The following USP31 variants were observed in gnomAD, a reference collection of about 807,000 sequenced individuals.
USP31 encodes the protein ubiquitin specific peptidase 31.
A neutral mutation model predicts 119.4 loss-of-function variants in USP31; 44 were observed. The ratio of observed to expected loss-of-function variants is 0.37; its 90% CI spans 0.29 to 0.47. The LOEUF is 0.47. Ranked by LOEUF, USP31 falls within the 20% of genes least tolerant of loss-of-function variation. The pLI, the probability that USP31 is intolerant of heterozygous loss-of-function variation, is 0.99. For synonymous variants in USP31, 749 were observed against 705.6 expected, an observed-to-expected ratio of 1.06 and a Z score of -0.97; for missense variants, 1,643 against 1,730.2, an observed-to-expected ratio of 0.95 and a Z score of 0.89.
At chr16:23,076,933 A>G (rs1900602307) in intron 13 of USP31, among the ~76,000 whole-genome samples, 1 of 152,196 alleles carries the variant, frequency 6.6e-6, no homozygotes, top group Non-Finnish European at 1.5e-5. Context: ...CTCAGTACCA[A>G]AGAACACAGA....
intron 6 of USP31, among the ~76,000 whole-genome samples, 200 bp from the exon 7 acceptor site, chr16:23,091,004 T>TTTAA (rs1289940340): frequency 6.6e-6 from 1 of 152,224 alleles, no homozygotes; most frequent in African/African-American, 2.4e-5. Context: ...TATTATTTCC[T>TTTAA]TTAAACTAGC....
intron 1 of USP31, among the ~76,000 whole-genome samples, chr16:23,132,745 G>A (rs1365036677): frequency 6.6e-6 from 1 of 152,124 alleles, no homozygotes; most frequent in African/African-American, 2.4e-5. Context: ...GTTTTCTTGG[G>A]ATTCTTAGGT....
chr16:23,115,942 C>A (rs1307608805), intron 1 of USP31: 1 of 248,694 alleles, frequency 4.0e-6, no homozygotes, highest in Non-Finnish European at 6.4e-6. Flanking sequence ...GCATCCCAGG[C>A]TCCAGGGAAA....
intron 6 of USP31, 27 bp from the exon 7 acceptor site, chr16:23,090,831 T>G (rs1423780279): frequency 1.4e-6 from 2 of 1,471,974 alleles, no homozygotes; most frequent in African/African-American, 1.4e-5. Flanking sequence ...ACAACTCATT[T>G]TATCTCTTCA....
chr16:23,144,926 T>G (rs905073720), intron 1 of USP31, among the ~76,000 whole-genome samples: 1 of 152,202 alleles, frequency 6.6e-6, no homozygotes, highest in African/African-American at 2.4e-5. Context: ...ATCACTTCCT[T>G]GCTTAAAAAT....
intron 1 of USP31, 73 bp from the exon 2 acceptor site, chr16:23,108,256 C>A: frequency 1.3e-6 from 2 of 1,512,850 alleles, no homozygotes; most frequent in South Asian, 2.7e-5. Flanking sequence ...TATTCATAAT[C>A]GCAAAAGGGA....
At chr16:23,105,365 A>G in intron 5 of USP31, 76 bp downstream of exon 5, 1 of 1,430,314 alleles carries the variant, frequency 7.0e-7, no homozygotes, top group Non-Finnish European at 9.3e-7. Context: ...TTGGCAAAGA[A>G]CTGTAAAAAA....
chr16:23,130,909 C>T (rs1177871645), intron 1 of USP31, among the ~76,000 whole-genome samples: 1 of 152,162 alleles, frequency 6.6e-6, no homozygotes, highest in African/African-American at 2.4e-5. Context: ...TTTTTGGATC[C>T]AAATGCAAGA....
chr16:23,068,006 T>C lies in USP31; in HGVS notation c.*40A>G, dbSNP rs3751846. ...TGGGAGGGCAGGGGTTCTAAATAAA[T>C]AAACATCTTTACAGATAAAACACTT... On this transcript the variant is annotated 3_prime_UTR_variant, in exon 16 of 16. Transcript: ENST00000219689. The C allele has an allele frequency of 5.4e-5, 84 of 1,554,848 alleles. No homozygotes were observed. The highest frequency in any genetic ancestry group is 1.9e-4 in the Middle Eastern group (1 of 5,324).
chr16:23,125,087 C>T (rs556236351), intron 1 of USP31, among the ~76,000 whole-genome samples: 10 of 152,260 alleles, frequency 6.6e-5, no homozygotes, highest in African/African-American at 2.2e-4. Flanking sequence ...ATGTCCCAGA[C>T]CTGCTGTCAC....
chr16:23,108,620 A>G (rs933266797), intron 1 of USP31, among the ~76,000 whole-genome samples: 2 of 152,360 alleles, frequency 1.3e-5, no homozygotes, highest in East Asian at 1.9e-4. Context: ...AAGGTTATAA[A>G]TAAGTAGTGT....
intron 1 of USP31, among the ~76,000 whole-genome samples, chr16:23,147,256 G>C (rs1449408796): frequency 6.6e-6 from 1 of 152,044 alleles, no homozygotes; most frequent in Non-Finnish European, 1.5e-5. Flanking sequence ...TAACAGGCAT[G>C]AACCACCACG....
intron 11 of USP31, among the ~76,000 whole-genome samples, chr16:23,082,832 T>TC (rs1491238496): frequency 2.3e-5 from 2 of 86,174 alleles, no homozygotes; most frequent in Non-Finnish European, 5.5e-5. Flanking sequence ...TTTCTCTCTC[T>TC]TTTTTTTTTT....
At chr16:23,130,426 A>G (rs1405617440) in intron 1 of USP31, among the ~76,000 whole-genome samples, 18 of 151,392 alleles carry the variant, frequency 1.2e-4, no homozygotes, top group Non-Finnish European at 5.9e-5. Context: ...CCCCCAACTA[A>G]TATTTTTTAA....
Position 23,068,806 on chromosome 16 carries a change from G to C in USP31, c.3299C>G (p.Ser1100Cys). ...PAPAQPKKES[S>C]PKSQDSVSSP... ...TGACACGGAGTCCTGAGATTTCGGG[G>C]ATGACTCCTTTTTGGGTTGGGCAGG... The change falls in exon 16 of 16, where the codon TCC becomes TGC. Residue 1100 changes from serine (S) to cysteine (C), a missense_variant. Around this residue, in one of 5 missense-constraint regions of USP31, gnomAD observed 699 missense variants for 650.9 expected, o/e 1.07. Transcript: ENST00000219689. The C allele has an allele frequency of 2.6e-6, 4 of 1,557,482 alleles. No homozygotes were observed. The highest frequency in any genetic ancestry group is 3.5e-6 in the Non-Finnish European group (4 of 1,155,250).
intron 1 of USP31, among the ~76,000 whole-genome samples, chr16:23,134,298 A>C (rs1903120723): frequency 6.6e-6 from 1 of 152,234 alleles, no homozygotes; most frequent in Non-Finnish European, 1.5e-5. Context: ...AAATACAGAG[A>C]AACCTTTTGT....
In USP31 at chr16:23,065,656, C is replaced by T. The variant is rs1324977028; in HGVS notation, c.*2390G>A. The T allele has an allele frequency of 1.3e-5, 2 of 152,142 alleles. No individual in the cohort carries two copies. The highest frequency in any genetic ancestry group is 4.8e-5 in the African/African-American group (2 of 41,370). 9.4% of individuals were successfully genotyped at this position (152,142 alleles called of 1,614,324 possible). A position where few individuals can be genotyped will look rare whatever the true frequency, so the allele number is the denominator to read the frequency against. On this transcript the variant is annotated 3_prime_UTR_variant, in exon 16 of 16. Coordinates refer to ENST00000219689, the MANE Select transcript of USP31 (RefSeq NM_020718.4). ...GTTTATAGACACTGACATTTTATTC[C>T]AGATCCCATGGAAAACCAAAGGGAT...
chr16:23,070,356 G>C (rs1900293518), intron 15 of USP31, among the ~76,000 whole-genome samples: 1 of 152,108 alleles, frequency 6.6e-6, no homozygotes, highest in East Asian at 1.9e-4. Context: ...TCAACGCAAA[G>C]AGCTAAAAAG....
At position 23,067,997 on chromosome 16, in the gene USP31, C is replaced by T; in HGVS notation, c.*49G>A. On this transcript the variant is annotated 3_prime_UTR_variant, in exon 16 of 16. Transcript: ENST00000219689. ...AGGCTTTGGTGGGAGGGCAGGGGTT[C>T]TAAATAAATAAACATCTTTACAGAT... 6.5e-7 allele frequency: 1 copy of T among 1,545,118 alleles called. No homozygotes were observed. Among genetic ancestry groups the T allele is most frequent in the East Asian group, 2.3e-5 (1 of 44,380 alleles).
Sources: gnomAD v4.1 joint callset for allele counts (sites outside exome capture counted in the v4.1 genomes callset) on GRCh38, gnomAD v4.1.1 for gene constraint, gnomAD v4.1.1 regional missense constraint, MANE v1.5 for transcripts, NCBI Gene and HGNC (gene_info 2026-07-23, HGNC 2026-07-21) for gene names.